Variants in STIM2 observed in about 807,000 individuals in gnomAD.
STIM2 encodes the protein stromal interaction molecule 2.
In STIM2, 31 loss-of-function variants were observed where a neutral mutation model predicts 85.8. The observed-to-expected ratio is 0.36, with a 90% confidence interval of 0.27 to 0.49. The LOEUF is 0.49. STIM2 is among the 20% of genes least tolerant of loss of function. The pLI is 0.98. For missense variants in STIM2, 841 were observed against 927.6 expected (o/e 0.91, Z 1.21); for synonymous variants, 356 against 331.1 (o/e 1.08, Z -0.82).
At chr4:26,955,782 TC>T (rs1454287409) in intron 2 of STIM2, among the ~76,000 whole-genome samples, 1 of 125,622 alleles carries the variant, frequency 8.0e-6, no homozygotes, top group Non-Finnish European at 1.7e-5. Flanking sequence ...AGCATATTTA[TC>T]ATATGCTCGG....
intron 2 of STIM2, among the ~76,000 whole-genome samples, chr4:26,927,615 G>A (rs1305417887): frequency 2.4e-4 from 16 of 65,426 alleles, no homozygotes; most frequent in African/African-American, 8.7e-4. Context: ...CACCAGCATG[G>A]CACATGTATA....
At position 27,024,405 on chromosome 4, in the gene STIM2, C is replaced by G. The variant is rs1288852734; in HGVS notation, c.*1409C>G. ...TGGATGTTTGGATGAACAACTGATA[C>G]ATTTTAGTTAGAATGCTTTTTCAGC... is the stretch of plus-strand genomic sequence containing the variant. On this transcript the variant is annotated 3_prime_UTR_variant, in exon 12 of 12. Coordinates refer to ENST00000467087, the MANE Select transcript of STIM2 (RefSeq NM_020860.4). 2.0e-5 allele frequency: 3 copies of G among 152,188 alleles called. No homozygotes were observed. Among genetic ancestry groups the G allele is most frequent in the Admixed American group, 6.5e-5 (1 of 15,270 alleles). 9.4% of individuals were successfully genotyped at this position (152,188 alleles called of 1,614,324 possible).
In STIM2 at chr4:26,913,475, A is replaced by G. The variant is rs77457636; in HGVS notation, c.152-6029A>G. ...TATGGTATGTTGCATATTTTGTTCA[A>G]TAAGTATTTAAACAATAATATATGA... On this transcript the variant is annotated intron_variant, in intron 1 of 11. Transcript: ENST00000467087. 4.9e-4 allele frequency among the ~76,000 whole-genome samples: 75 copies of G among 152,292 alleles called. No individual in the cohort carries two copies. The East Asian group carries it at 0.014, about 28-fold the overall frequency.
rs114931804 is a variant in STIM2, at chr4:26,928,115, C to T, written c.282+8481C>T. On this transcript the variant is annotated intron_variant, in intron 2 of 11. Coordinates refer to ENST00000467087, the MANE Select transcript of STIM2 (RefSeq NM_020860.4). ...CTTTTTATGGGGTGGAAGTAGAAGG[C>T]CCAAGAGGCAAAAGGTGTGTAACTT... Among the ~76,000 whole-genome samples the T allele has an allele frequency of 2.2e-3, 331 of 151,846 alleles. 1 individual carries two copies. The highest frequency in any genetic ancestry group is 7.6e-3 in the African/African-American group (316 of 41,414).
chr4:27,022,389 A>G (rs1161162658), intron 11 of STIM2, 130 bp from the exon 12 acceptor site: 7 of 718,516 alleles, frequency 9.7e-6, no homozygotes, highest in East Asian at 8.0e-5. Flanking sequence ...GCTGAAATGT[A>G]TATAGAATCA....
intron 1 of STIM2, among the ~76,000 whole-genome samples, chr4:26,912,610 A>G (rs946873277): frequency 1.3e-5 from 2 of 152,098 alleles, no homozygotes; most frequent in African/African-American, 4.8e-5. Context: ...ACCTTGTTTT[A>G]CCTAGGATGA....
chr4:26,976,281 G>A (rs939732183), intron 3 of STIM2, among the ~76,000 whole-genome samples: 6 of 151,936 alleles, frequency 3.9e-5, no homozygotes, highest in Non-Finnish European at 8.8e-5. Context: ...CCAATGAGAT[G>A]AACCAGGTAC....
intron 3 of STIM2, among the ~76,000 whole-genome samples, chr4:26,959,261 T>G (rs1726364249): frequency 6.6e-6 from 1 of 152,210 alleles, no homozygotes. Flanking sequence ...TCGCTCACTG[T>G]GCTCCATTCA....
In STIM2 at chr4:27,023,008, T is replaced by G; in HGVS notation, c.*12T>G. ...AGAAATCTAAGTGAACTGGCTGACT[T>G]GATGGAATCATGTTCAAGTGGCATC... On this transcript the variant is annotated 3_prime_UTR_variant, in exon 12 of 12. Coordinates refer to ENST00000467087, the MANE Select transcript of STIM2 (RefSeq NM_020860.4). 6.2e-7 allele frequency: 1 copy of G among 1,603,304 alleles called. No individual in the cohort carries two copies. Among genetic ancestry groups the G allele is most frequent in the African/African-American group, 1.3e-5 (1 of 74,756 alleles).
intron 2 of STIM2, among the ~76,000 whole-genome samples, chr4:26,935,954 T>C (rs1273560077): frequency 6.6e-6 from 1 of 152,220 alleles, no homozygotes; most frequent in Non-Finnish European, 1.5e-5. Flanking sequence ...ATTTTGTGAC[T>C]TTACTTTTGC....
intron 2 of STIM2, among the ~76,000 whole-genome samples, chr4:26,922,982 C>T (rs1178339435): frequency 6.6e-6 from 1 of 151,992 alleles, no homozygotes; most frequent in African/African-American, 2.4e-5. Context: ...CCCTGTCTGA[C>T]AGCTTTGAAG....
intron 1 of STIM2, among the ~76,000 whole-genome samples, chr4:26,894,337 A>G (rs1454670523): frequency 2.0e-5 from 3 of 152,196 alleles, no homozygotes; most frequent in Non-Finnish European, 2.9e-5. Flanking sequence ...AATTAACTGG[A>G]TTTTCCCTTT....
intron 1 of STIM2, among the ~76,000 whole-genome samples, chr4:26,882,453 C>CT (rs1723048606): frequency 6.9e-6 from 1 of 143,930 alleles, no homozygotes. Flanking sequence ...TTCTTTCTTT[C>CT]TTTTTTTTTG....
chr4:26,918,070 G>C (rs1031873264), intron 1 of STIM2, among the ~76,000 whole-genome samples: 13 of 151,904 alleles, frequency 8.6e-5, no homozygotes, highest in African/African-American at 3.1e-4. Flanking sequence ...ACTTATAATT[G>C]CATTTCCTAC....
chr4:26,862,321 T>G (rs1441088349), intron 1 of STIM2, among the ~76,000 whole-genome samples: 1 of 47,654 alleles, frequency 2.1e-5, no homozygotes, highest in Non-Finnish European at 6.7e-5. Flanking sequence ...AATAATGGTT[T>G]TTTTTTTTTT....
chr4:27,022,456 T>C, intron 11 of STIM2, 63 bp from the exon 12 acceptor site: 3 of 1,302,922 alleles, frequency 2.3e-6, no homozygotes, highest in Non-Finnish European at 3.2e-6. Context: ...AGTTAGAATG[T>C]CTGCTAGTAC....
At chr4:27,011,444 C>G (rs1728554446) in intron 10 of STIM2, among the ~76,000 whole-genome samples, 1 of 152,184 alleles carries the variant, frequency 6.6e-6, no homozygotes, top group Non-Finnish European at 1.5e-5. Context: ...GCATCTTTAC[C>G]TGTATTTCCT....
At chr4:26,872,091 T>A (rs1036559056) in intron 1 of STIM2, among the ~76,000 whole-genome samples, 2 of 152,252 alleles carry the variant, frequency 1.3e-5, no homozygotes, top group Non-Finnish European at 2.9e-5. Context: ...ATTCTTTTTA[T>A]CTATAGATAC....
At chr4:26,918,077 C>T (rs1724655351) in intron 1 of STIM2, among the ~76,000 whole-genome samples, 1 of 151,978 alleles carries the variant, frequency 6.6e-6, no homozygotes, top group South Asian at 2.1e-4. Context: ...ATTGCATTTC[C>T]TACTTTTATA....
Sources: gnomAD v4.1 joint callset for allele counts (sites outside exome capture counted in the v4.1 genomes callset) on GRCh38, gnomAD v4.1.1 for gene constraint, MANE v1.5 for transcripts, NCBI Gene and HGNC (gene_info 2026-07-23, HGNC 2026-07-21) for gene names.